MIPOL1: variants seen among roughly 807,000 people sequenced by gnomAD.
MIPOL1 encodes the protein mirror-image polydactyly gene 1 protein.
A neutral mutation model predicts 60.9 loss-of-function variants in MIPOL1; 57 were observed. The ratio of observed to expected loss-of-function variants is 0.94; its 90% CI spans 0.76 to 1.17. MIPOL1 has a LOEUF of 1.17. Ranked by LOEUF, MIPOL1 falls within the 50% of genes most tolerant of loss-of-function variation. MIPOL1 has a pLI of 0.00. For missense variants in MIPOL1, 551 were observed against 511.6 expected, an observed-to-expected ratio of 1.08 and a Z score of -0.74; for synonymous variants, 179 against 168.8, an observed-to-expected ratio of 1.06 and a Z score of -0.47.
Position 37,275,573 on chromosome 14 carries a change from G to C in MIPOL1, c.493+5048G>C, listed in dbSNP as rs191053647. ...TTAAACCTTTCATTTTTCCTAAACA[G>C]TCACAGTGGGCATTATCTAGTGTTT... is the stretch of plus-strand genomic sequence containing the variant. On this transcript the variant is annotated intron_variant, in intron 6 of 12. Transcript: ENST00000684589. 1.3e-4 allele frequency among the ~76,000 whole-genome samples: 19 copies of C among 151,112 alleles called. No individual in the cohort carries two copies. The East Asian group carries it at 3.7e-3, about 29-fold the overall frequency.
rs113497468 is a variant in MIPOL1, at chr14:37,470,243, A to G, written c.1032-29665A>G. On this transcript the variant is annotated intron_variant, in intron 11 of 12. Transcript: ENST00000684589. ...TATGAGGATCTGTTGCTTAGGATAG[A>G]AATCTGAGCTGGAGAGAAATACCTC... Among the ~76,000 whole-genome samples the G allele has an allele frequency of 8.5e-5, 13 of 152,298 alleles. 1 individual carries two copies. Among genetic ancestry groups the G allele is most frequent in the African/African-American group, 3.1e-4 (13 of 41,568 alleles).
intron 11 of MIPOL1, among the ~76,000 whole-genome samples, chr14:37,426,311 C>T (rs2153554816): frequency 6.6e-6 from 1 of 151,704 alleles, no homozygotes; most frequent in East Asian, 2.0e-4. Context: ...AAGTAGGGGT[C>T]AGTGTTGGCT....
chr14:37,387,548 G>A (rs1032041025), intron 10 of MIPOL1, among the ~76,000 whole-genome samples: 1 of 151,840 alleles, frequency 6.6e-6, no homozygotes, highest in Non-Finnish European at 1.5e-5. Context: ...TATTTCCATT[G>A]AGTGTATCAG....
chr14:37,482,439 G>A (rs1055290406), intron 11 of MIPOL1, among the ~76,000 whole-genome samples: 8 of 152,306 alleles, frequency 5.3e-5, no homozygotes, highest in African/African-American at 1.9e-4. Flanking sequence ...AACTGCCCAA[G>A]ACTGGGTATT....
chr14:37,459,141 T>C (rs1018919677), intron 11 of MIPOL1, among the ~76,000 whole-genome samples: 1 of 151,574 alleles, frequency 6.6e-6, no homozygotes, highest in African/African-American at 2.4e-5. Flanking sequence ...AATCCAAAGC[T>C]AGCAGAAGAA....
intron 11 of MIPOL1, among the ~76,000 whole-genome samples, chr14:37,494,801 G>C (rs2095095577): frequency 6.6e-6 from 1 of 152,142 alleles, no homozygotes; most frequent in Admixed American, 6.6e-5. Flanking sequence ...TGCTATTGCA[G>C]GTTTTTAAGT....
At chr14:37,414,443 A>G (rs1595672659) in intron 10 of MIPOL1, among the ~76,000 whole-genome samples, 1 of 152,274 alleles carries the variant, frequency 6.6e-6, no homozygotes, top group South Asian at 2.1e-4. Flanking sequence ...AGTGATGTTG[A>G]GCATGTGTAT....
At chr14:37,289,640 C>T (rs1480904141) in intron 7 of MIPOL1, among the ~76,000 whole-genome samples, 1 of 152,170 alleles carries the variant, frequency 6.6e-6, no homozygotes, top group Non-Finnish European at 1.5e-5. Context: ...CACCACCCTC[C>T]AGGAACCTCC....
intron 1 of MIPOL1, among the ~76,000 whole-genome samples, chr14:37,236,917 C>T (rs1229932403): frequency 6.6e-6 from 1 of 152,054 alleles, no homozygotes; most frequent in Non-Finnish European, 1.5e-5. Context: ...TAATCTGATC[C>T]AGGGGATCAT....
rs201446881 is a variant in MIPOL1, at chr14:37,234,263, A to AT, written c.-198-12829dup. The stretch of plus-strand genomic sequence containing the variant: ...GTTCAGTTAGGGCATGGTCACGACA[A>AT]TTTTTTTTTTTCTTGAAAATAGAGG... On this transcript the variant is annotated intron_variant, in intron 1 of 12. Transcript: ENST00000684589. Among the ~76,000 whole-genome samples the AT allele has an allele frequency of 3.5e-3, 507 of 145,740 alleles. 3 individuals are homozygous for AT. The highest frequency in any genetic ancestry group is 0.011 in the African/African-American group (451 of 39,752).
rs149926064 is a variant in MIPOL1 at position 37,235,495 on chromosome 14, A to G, written c.-198-11608A>G. Among the ~76,000 whole-genome samples, 514 of 152,282 alleles carry G rather than the reference A, an allele frequency of 3.4e-3. 2 individuals are homozygous for G. The highest frequency in any genetic ancestry group is 0.012 in the African/African-American group (504 of 41,568). On this transcript the variant is annotated intron_variant, in intron 1 of 12. Transcript: ENST00000684589. Reference sequence around the variant, plus strand: ...CTTTGTATGGGTGTGTGGTATAGTTAGACTCTAATTCTTATAATAATAGTC... The same window carrying G: ...CTTTGTATGGGTGTGTGGTATAGTTGGACTCTAATTCTTATAATAATAGTC...
intron 10 of MIPOL1, among the ~76,000 whole-genome samples, chr14:37,408,007 G>A (rs956607098): frequency 1.7e-4 from 26 of 150,388 alleles, no homozygotes; most frequent in Admixed American, 3.3e-4. Flanking sequence ...GCACCACCAC[G>A]CCTGGCTAAT....
intron 11 of MIPOL1, among the ~76,000 whole-genome samples, chr14:37,434,871 A>G (rs549478587): frequency 6.6e-6 from 1 of 151,802 alleles, no homozygotes; most frequent in Non-Finnish European, 1.5e-5. Context: ...AAAAAACAAA[A>G]TACCTTCACA....
intron 1 of MIPOL1, chr14:37,227,983 G>A (rs1039341865): frequency 2.6e-5 from 4 of 152,170 alleles, no homozygotes; most frequent in African/African-American, 9.7e-5. Context: ...ACTAGGATGG[G>A]GATTTGGAAA....
chr14:37,412,164 A>G (rs1441312651), intron 10 of MIPOL1, among the ~76,000 whole-genome samples: 1 of 150,736 alleles, frequency 6.6e-6, no homozygotes, highest in Non-Finnish European at 1.5e-5. Context: ...AAATGAAACA[A>G]TGTATGTGGA....
intron 9 of MIPOL1, among the ~76,000 whole-genome samples, chr14:37,355,780 G>A (rs1319998178): frequency 6.6e-6 from 1 of 150,526 alleles, no homozygotes; most frequent in East Asian, 2.0e-4. Context: ...GCACTTCTCT[G>A]TATTGGGTAT....
At chr14:37,420,687 A>G (rs964619296) in intron 10 of MIPOL1, among the ~76,000 whole-genome samples, 2 of 152,146 alleles carry the variant, frequency 1.3e-5, no homozygotes, top group African/African-American at 4.8e-5. Flanking sequence ...AAGTCCAGGA[A>G]GCAGATCTGG....
intron 1 of MIPOL1, among the ~76,000 whole-genome samples, chr14:37,236,317 G>A (rs1161128159): frequency 1.3e-5 from 2 of 152,092 alleles, no homozygotes; most frequent in East Asian, 1.9e-4. Flanking sequence ...ATGATGTTGA[G>A]CATCTTTTCA....
chr14:37,280,999 C>T (rs183964224), intron 6 of MIPOL1, among the ~76,000 whole-genome samples: 5 of 152,278 alleles, frequency 3.3e-5, no homozygotes, highest in South Asian at 2.1e-4. Context: ...ACTGTGCAGA[C>T]GCTTTTTAAT....
Sources: gnomAD v4.1 joint callset for allele counts (sites outside exome capture counted in the v4.1 genomes callset) on GRCh38, gnomAD v4.1.1 for gene constraint, MANE v1.5 for transcripts, NCBI Gene and HGNC (gene_info 2026-07-23, HGNC 2026-07-21) for gene names.